The following SUPT5H variants were observed in gnomAD, a reference collection of about 807,000 sequenced individuals.
The protein encoded by SUPT5H is SPT5 homolog, DSIF elongation factor subunit, also known as transcription elongation factor SPT5.
A neutral mutation model predicts 142.5 loss-of-function variants in SUPT5H; 24 were observed. The observed-to-expected ratio is 0.17, with a 90% CI of 0.12 to 0.24. The LOEUF (loss-of-function observed/expected upper bound fraction) is 0.24. Among genes scored for constraint, SUPT5H ranks in the 10% least tolerant of loss-of-function variants. The pLI is 1.00. For synonymous variants in SUPT5H, 546 were observed against 553.0 expected (o/e 0.99, Z 0.18); for missense variants, 893 against 1,471.8 (o/e 0.61, Z 6.43).
chr19:39,474,571 C>T lies in SUPT5H; in HGVS notation c.2877C>T (p.Ser959=). ...GTCCTATGACACCTGGAGCTCCCTC[C>T]CCTGGTGGCTACAACCCACACACGC... ...GYSPMTPGAP[S]PGGYNPHTPG... is the part of the protein sequence containing the mutation. Residue 959 remains serine, a synonymous_variant, in exon 28 of 30, where the codon TCC becomes TCT. Coordinates refer to ENST00000432763, the MANE Select transcript of SUPT5H (RefSeq NM_001111020.3). This position sits in a 1 kb window ranked among gnomAD's most constrained non-coding sequence, Gnocchi z 6.5. 1 of 1,614,250 alleles carries T rather than the reference C, an allele frequency of 6.2e-7. No homozygotes were observed. The highest frequency in any genetic ancestry group is 8.5e-7 in the Non-Finnish European group (1 of 1,180,046).
intron 2 of SUPT5H, among the ~76,000 whole-genome samples, chr19:39,452,143 G>A (rs1019556666): frequency 3.9e-5 from 6 of 152,132 alleles, no homozygotes; most frequent in Admixed American, 6.5e-5. Context: ...TCGGTAATTG[G>A]AGGAGGCCAT....
At position 39,458,174 on chromosome 19, in the gene SUPT5H, C is replaced by A; in HGVS notation, c.308-120C>A. 1 of 1,488,148 alleles carries A rather than the reference C, an allele frequency of 6.7e-7. No homozygotes were observed. The highest frequency in any genetic ancestry group is 9.0e-7 in the Non-Finnish European group (1 of 1,115,156). 92.2% of individuals were successfully genotyped at this position (1,488,148 alleles called of 1,614,324 possible). On this transcript the variant is annotated intron_variant, in intron 4 of 29. Coordinates refer to ENST00000432763, the MANE Select transcript of SUPT5H (RefSeq NM_001111020.3). The surrounding 1 kb of genome is among the most constrained non-coding windows in gnomAD (Gnocchi z 4.2). ...TTTCTGTGTCCCTCCCTTCCCCTCCCCCAACCCATTGGTTGATTTTGCTGC... is the reference window on the plus strand; with the variant it reads ...TTTCTGTGTCCCTCCCTTCCCCTCCACCAACCCATTGGTTGATTTTGCTGC...
Position 39,474,850 on chromosome 19 carries a change from A to G in SUPT5H, c.3024+132A>G, listed in dbSNP as rs2146131704. ...TGGGATTGAGGAAGCCTAGAGGGCAAGGGGAGCTATGTGAACCCAAAGGAG... is the reference window on the plus strand; with the variant it reads ...TGGGATTGAGGAAGCCTAGAGGGCAGGGGGAGCTATGTGAACCCAAAGGAG... On this transcript the variant is annotated intron_variant, in intron 28 of 29. Transcript: ENST00000432763. This position sits in a 1 kb window ranked among gnomAD's most constrained non-coding sequence, Gnocchi z 6.5. 3 of 1,046,552 alleles carry G rather than the reference A, an allele frequency of 2.9e-6. No individual in the cohort carries two copies. The highest frequency in any genetic ancestry group is 2.3e-5 in the Admixed American group (1 of 42,622). The allele number at this position is 1,046,552 out of a possible 1,614,324, so 64.8% of individuals were successfully genotyped here. A position where few individuals can be genotyped will look rare whatever the true frequency, so the allele number is the denominator to read the frequency against.
At position 39,471,461 on chromosome 19, in the gene SUPT5H, C is replaced by G. The variant is rs756815861; in HGVS notation, c.1782C>G (p.Ile594Met). 3 of 1,614,094 alleles carry G rather than the reference C, an allele frequency of 1.9e-6. No individual in the cohort carries two copies. Among genetic ancestry groups the G allele is most frequent in the Non-Finnish European group, 2.5e-6 (3 of 1,180,048 alleles). Reference sequence around the variant, plus strand: ...CCTTGGACTCAGAGCAGAACAACATCCATGTGAAAGACATCGTTAAGGTCA... The same window carrying G: ...CCTTGGACTCAGAGCAGAACAACATGCATGTGAAAGACATCGTTAAGGTCA... Reference protein sequence around the residue: ...AVALDSEQNNIHVKDIVKVID... With the variant: ...AVALDSEQNNMHVKDIVKVID... Residue 594 changes from isoleucine (I) to methionine (M), a missense_variant, in exon 19 of 30, where the codon ATC becomes ATG. Coordinates refer to ENST00000432763, the MANE Select transcript of SUPT5H (RefSeq NM_001111020.3).
At chr19:39,468,529 C>G in intron 13 of SUPT5H, 1 of 568,900 alleles carries the variant, frequency 1.8e-6, no homozygotes, top group Non-Finnish European at 3.2e-6. Context: ...AGATGGTGAT[C>G]GGTGCTCAAA....
chr19:39,464,803 G>T lies in SUPT5H; in HGVS notation c.630G>T (p.Leu210=), dbSNP rs369405177. 3.1e-6 allele frequency: 5 copies of T among 1,603,182 alleles called. No individual in the cohort carries two copies. The highest frequency in any genetic ancestry group is 4.3e-6 in the Non-Finnish European group (5 of 1,171,310). Residue 210 remains leucine, a synonymous_variant, in exon 11 of 30, where the codon CTG becomes CTT. Transcript: ENST00000432763. ...FIAYQFTDTP[L]QIKSVVAPEH... Reference sequence around the variant, plus strand: ...TCCACCGGCTCACCCTGCAGCCCCTGCAGATCAAGTCAGTAGTGGCACCAG... The same window carrying T: ...TCCACCGGCTCACCCTGCAGCCCCTTCAGATCAAGTCAGTAGTGGCACCAG...
chr19:39,455,220 T>G (rs2079072034), intron 3 of SUPT5H, among the ~76,000 whole-genome samples: 1 of 151,938 alleles, frequency 6.6e-6, no homozygotes, highest in Non-Finnish European at 1.5e-5. Flanking sequence ...GAGCTCTGAG[T>G]TAGTAGTAGT....
chr19:39,462,410 A>G (rs966419831), intron 10 of SUPT5H, among the ~76,000 whole-genome samples: 6 of 152,152 alleles, frequency 3.9e-5, no homozygotes, highest in African/African-American at 9.7e-5. Context: ...GGATTTGACT[A>G]TTGGAACTCT....
At chr19:39,459,350 C>A in intron 8 of SUPT5H, 101 bp downstream of exon 8, 1 of 1,443,212 alleles carries the variant, frequency 6.9e-7, no homozygotes, top group East Asian at 2.4e-5. Context: ...AGGGCAGAGT[C>A]ACACAGGCAG....
intron 10 of SUPT5H, among the ~76,000 whole-genome samples, chr19:39,463,176 A>G (rs1292724064): frequency 1.3e-5 from 2 of 148,916 alleles, no homozygotes; most frequent in Non-Finnish European, 3.0e-5. Context: ...TAATTTTTGT[A>G]TTTTTAGTAG....
chr19:39,476,267 C>A lies in SUPT5H; in HGVS notation c.3132C>A (p.Ile1044=), dbSNP rs2079404852. The change falls in exon 30 of 30, where the codon ATC becomes ATA. Residue 1044 remains isoleucine (I), a synonymous_variant. Transcript: ENST00000432763. Reference sequence around the variant, plus strand: ...CCCCCCACCCCCAGGTGAAAGTGATCCTGGGCGAGGATCGGGAAGCCACGG... The same window carrying A: ...CCCCCCACCCCCAGGTGAAAGTGATACTGGGCGAGGATCGGGAAGCCACGG... ...TPTKNNKVKV[I]LGEDREATGV... 4.3e-6 allele frequency: 7 copies of A among 1,614,068 alleles called. No individual in the cohort carries two copies. The highest frequency in any genetic ancestry group is 5.1e-6 in the Non-Finnish European group (6 of 1,180,020).
Position 39,470,041 on chromosome 19 carries a change from A to T in SUPT5H, c.1375-78A>T. 1 of 1,551,686 alleles carries T rather than the reference A, an allele frequency of 6.4e-7. No homozygotes were observed. The highest frequency in any genetic ancestry group is 1.8e-5 in the Admixed American group (1 of 55,750). On this transcript the variant is annotated intron_variant, in intron 16 of 29. Coordinates refer to ENST00000432763, the MANE Select transcript of SUPT5H (RefSeq NM_001111020.3). This position sits in a 1 kb window ranked among gnomAD's most constrained non-coding sequence, Gnocchi z 5.8. Reference sequence around the variant, plus strand: ...GTGGGGTTTTTGAGAACATGCGTAGATTCTGAAGACAGGAGGGGCAGGCAG... The same window carrying T: ...GTGGGGTTTTTGAGAACATGCGTAGTTTCTGAAGACAGGAGGGGCAGGCAG...
In SUPT5H at chr19:39,469,570, C is replaced by T. The variant is rs1011286308; in HGVS notation, c.1374+172C>T. On this transcript the variant is annotated intron_variant, in intron 16 of 29. Transcript: ENST00000432763. The surrounding 1 kb of genome is among the most constrained non-coding windows in gnomAD (Gnocchi z 5.1). ...GCTCTGTCTGAGTGCAGCTCAGGGT[C>T]GGTGGGCAGCAGGCCTGCCTGGTGG... 35 of 908,208 alleles carry T rather than the reference C, an allele frequency of 3.9e-5. No homozygotes were observed. The highest frequency in any genetic ancestry group is 1.3e-4 in the African/African-American group (8 of 60,316). The allele number at this position is 908,208 out of a possible 1,614,324, so 56.3% of individuals were successfully genotyped here.
At chr19:39,452,078 G>A (rs1158153384) in intron 2 of SUPT5H, among the ~76,000 whole-genome samples, 1 of 152,126 alleles carries the variant, frequency 6.6e-6, no homozygotes, top group African/African-American at 2.4e-5. Context: ...TGGGGGAAAA[G>A]GATGGGTTGG....
At position 39,469,404 on chromosome 19, in the gene SUPT5H, T is replaced by C. The variant is rs1322863465; in HGVS notation, c.1374+6T>C. On this transcript the variant is annotated splice_donor_region_variant and intron_variant, in intron 16 of 29. Coordinates refer to ENST00000432763, the MANE Select transcript of SUPT5H (RefSeq NM_001111020.3). The surrounding 1 kb of genome is among the most constrained non-coding windows in gnomAD (Gnocchi z 5.1). ...CCAAGCATGAGGACCTCAAGGTGGG[T>C]GCCCGGTGTTCTCGGGCAGGGGTTG... 2 of 1,614,192 alleles carry C rather than the reference T, an allele frequency of 1.2e-6. No individual in the cohort carries two copies. The highest frequency in any genetic ancestry group is 3.3e-5 in the Admixed American group (2 of 60,026).
Position 39,459,171 on chromosome 19 carries a change from C to T in SUPT5H, c.459-13C>T, listed in dbSNP as rs960765345. ...AGAGCTTCACCCCTTCCTGACTGCC[C>T]TCCTCCCTTCAGGGTGTATGGAGGA... On this transcript the variant is annotated splice_polypyrimidine_tract_variant and intron_variant, in intron 7 of 29. Coordinates refer to ENST00000432763, the MANE Select transcript of SUPT5H (RefSeq NM_001111020.3). 6.9e-6 allele frequency: 11 copies of T among 1,604,126 alleles called. No individual in the cohort carries two copies. In the African/African-American group the frequency reaches 1.2e-4, roughly 18 times the overall value.
chr19:39,469,727 G>T lies in SUPT5H; in HGVS notation c.1374+329G>T. Reference sequence around the variant, plus strand: ...TGACTTTGTTTGCTTAGAGCGGGGTGTGTGTTTGTCTGTGTCTGGTGTATG... The same window carrying T: ...TGACTTTGTTTGCTTAGAGCGGGGTTTGTGTTTGTCTGTGTCTGGTGTATG... On this transcript the variant is annotated intron_variant, in intron 16 of 29. Transcript: ENST00000432763. This position sits in a 1 kb window ranked among gnomAD's most constrained non-coding sequence, Gnocchi z 5.1. 1 of 500,956 alleles carries T rather than the reference G, an allele frequency of 2.0e-6. No homozygotes were observed. The highest frequency in any genetic ancestry group is 3.7e-6 in the Non-Finnish European group (1 of 273,848). The allele number at this position is 500,956 out of a possible 1,614,324, so 31.0% of individuals were successfully genotyped here.
intron 4 of SUPT5H, chr19:39,457,998 G>A: frequency 1.3e-6 from 1 of 766,376 alleles, no homozygotes; most frequent in South Asian, 1.6e-5. Flanking sequence ...TCCCTTCTGG[G>A]GTTGTAGGGT....
At chr19:39,455,583 A>G (rs545179692) in intron 3 of SUPT5H, among the ~76,000 whole-genome samples, 2 of 150,580 alleles carry the variant, frequency 1.3e-5, no homozygotes, top group East Asian at 2.0e-4. Flanking sequence ...TGGGGGGAAC[A>G]TAGTGGTGGC....
Sources: allele counts gnomAD v4.1 joint callset (sites outside exome capture counted in the v4.1 genomes callset), GRCh38; gene constraint gnomAD v4.1.1; non-coding constraint Gnocchi (gnomAD v3.1); transcripts MANE v1.5; gene names NCBI Gene and HGNC (gene_info 2026-07-23, HGNC 2026-07-21).